CSMD1: variants seen among roughly 807,000 people sequenced by gnomAD.
The protein encoded by CSMD1 is CUB and sushi domain-containing protein 1.
Under a neutral mutation model 417.5 loss-of-function variants are expected in CSMD1, and 213 were observed. The observed-to-expected ratio is 0.51, with a 90% confidence interval of 0.46 to 0.57. CSMD1 has a LOEUF of 0.57. Among genes scored for constraint, CSMD1 ranks in the 20% least tolerant of loss-of-function variants. The pLI is 0.00. For synonymous variants in CSMD1, 2,862 were observed against 1,736.8 expected (o/e 1.65, Z -16.11); for missense variants, 6,923 against 4,529.7 (o/e 1.53, Z -15.17).
intron 5 of CSMD1, among the ~76,000 whole-genome samples, chr8:3,910,241 G>C (rs931832642): frequency 6.6e-6 from 1 of 152,116 alleles, no homozygotes; most frequent in Non-Finnish European, 1.5e-5. Flanking sequence ...GGGGTGGGGA[G>C]GAAAATATGT....
intron 1 of CSMD1, among the ~76,000 whole-genome samples, chr8:4,827,327 A>T (rs1799892006): frequency 6.6e-6 from 1 of 152,068 alleles, no homozygotes; most frequent in Non-Finnish European, 1.5e-5. Context: ...TTTTATCTTA[A>T]CCCTAAGGCT....
intron 1 of CSMD1, among the ~76,000 whole-genome samples, chr8:4,972,668 C>T (rs1228457139): frequency 2.6e-5 from 4 of 151,254 alleles, no homozygotes; most frequent in East Asian, 1.9e-4. Flanking sequence ...AAAGACAAAT[C>T]GTTGACTTTC....
intron 3 of CSMD1, among the ~76,000 whole-genome samples, chr8:4,081,070 A>T (rs1368891613): frequency 6.6e-6 from 1 of 152,164 alleles, no homozygotes; most frequent in Non-Finnish European, 1.5e-5. Flanking sequence ...GTAATTCAGT[A>T]AGAATGCAAC....
chr8:3,585,096 T>C (rs1384348014), intron 9 of CSMD1, among the ~76,000 whole-genome samples: 1 of 152,052 alleles, frequency 6.6e-6, no homozygotes, highest in Non-Finnish European at 1.5e-5. Context: ...GGGCGGGTCC[T>C]GCAAAGCTGT....
chr8:4,089,404 A>G (rs971522708), intron 3 of CSMD1, among the ~76,000 whole-genome samples: 2 of 152,120 alleles, frequency 1.3e-5, no homozygotes, highest in Non-Finnish European at 1.5e-5. Context: ...AAATTAGTAA[A>G]TGGTACATGG....
intron 5 of CSMD1, among the ~76,000 whole-genome samples, chr8:3,870,566 C>G (rs764076589): frequency 6.6e-6 from 1 of 152,138 alleles, no homozygotes; most frequent in Non-Finnish European, 1.5e-5. Flanking sequence ...CCATTTCTCT[C>G]CAACTATTTG....
At chr8:3,974,245 T>G (rs1331692676) in intron 5 of CSMD1, among the ~76,000 whole-genome samples, 5 of 137,182 alleles carry the variant, frequency 3.6e-5, no homozygotes, top group Non-Finnish European at 6.2e-5. Context: ...ATAATATAAT[T>G]ATCTTAAATA....
chr8:3,528,116 G>C, intron 10 of CSMD1, among the ~76,000 whole-genome samples: 1 of 152,214 alleles, frequency 6.6e-6, no homozygotes, highest in Middle Eastern at 3.2e-3. Flanking sequence ...ATACTGGAAA[G>C]TGATTCTTTA....
At chr8:4,294,158 C>A (rs1023503389) in intron 3 of CSMD1, among the ~76,000 whole-genome samples, 1 of 152,134 alleles carries the variant, frequency 6.6e-6, no homozygotes, top group Non-Finnish European at 1.5e-5. Flanking sequence ...GACCAGCAGC[C>A]ACTGTAAGAT....
At chr8:3,854,011 T>A (rs1804113160) in intron 5 of CSMD1, among the ~76,000 whole-genome samples, 1 of 145,774 alleles carries the variant, frequency 6.9e-6, no homozygotes, top group South Asian at 2.1e-4. Flanking sequence ...ACATAACATA[T>A]AAAATATTAT....
At chr8:4,692,923 T>C (rs1806863927) in intron 1 of CSMD1, among the ~76,000 whole-genome samples, 1 of 152,180 alleles carries the variant, frequency 6.6e-6, no homozygotes, top group South Asian at 2.1e-4. Context: ...AGATTCCCAG[T>C]TTTGCCTCAT....
intron 15 of CSMD1, among the ~76,000 whole-genome samples, chr8:3,404,783 CCT>C (rs35754475): frequency 0.3 from 45,027 of 151,650 alleles, 7,175 homozygotes; most frequent in East Asian, 0.52. Context: ...GTGCCTGCAT[CCT>C]CTGTTTTTCA....
chr8:3,507,763 G>A (rs866164862), intron 10 of CSMD1, among the ~76,000 whole-genome samples: 17 of 152,292 alleles, frequency 1.1e-4, no homozygotes, highest in Admixed American at 6.5e-4. Context: ...CAGTGATGAT[G>A]AGCATTTTTT....
intron 3 of CSMD1, among the ~76,000 whole-genome samples, chr8:4,359,388 T>C (rs1335242879): frequency 6.6e-6 from 1 of 152,228 alleles, no homozygotes; most frequent in Non-Finnish European, 1.5e-5. Context: ...GGGTTTAAAC[T>C]CACAATAACA....
intron 5 of CSMD1, among the ~76,000 whole-genome samples, chr8:3,896,423 G>T (rs1416674511): frequency 6.6e-6 from 1 of 152,150 alleles, no homozygotes; most frequent in African/African-American, 2.4e-5. Flanking sequence ...AATGCTACAT[G>T]TAATGTCTCC....
chr8:4,234,060 CAACCATT>C (rs1336539427), intron 3 of CSMD1, among the ~76,000 whole-genome samples: 1 of 152,114 alleles, frequency 6.6e-6, no homozygotes, highest in African/African-American at 2.4e-5. Context: ...ACAGATAAGT[CAACCATT>C]AACCCCTGCC....
At chr8:4,607,286 TAAC>T (rs1800927435) in intron 2 of CSMD1, among the ~76,000 whole-genome samples, 1 of 136,396 alleles carries the variant, frequency 7.3e-6, no homozygotes, top group Non-Finnish European at 1.6e-5. Flanking sequence ...AAAAAATAAA[TAAC>T]AAAAAAAAAT....
chr8:3,949,568 TC>T (rs1234911476), intron 5 of CSMD1, among the ~76,000 whole-genome samples: 1 of 152,154 alleles, frequency 6.6e-6, no homozygotes, highest in East Asian at 1.9e-4. Flanking sequence ...ATTTTGGGGT[TC>T]TTTTGTGTGG....
rs191756240 is a variant in CSMD1, at chr8:4,359,926, A to C, written c.415+60027T>G. On this transcript the variant is annotated intron_variant, in intron 3 of 69. Coordinates refer to ENST00000635120, the MANE Select transcript of CSMD1 (RefSeq NM_033225.6). ...ACCACAGTTTAAAACATCAACGTTC[A>C]GTGAAAGAATGCTTCCCTACTGGAG... 1.2e-3 allele frequency among the ~76,000 whole-genome samples: 183 copies of C among 152,292 alleles called. 1 individual carries two copies. Among genetic ancestry groups the C allele is most frequent in the Non-Finnish European group, 1.4e-3 (94 of 68,016 alleles).
Sources: gnomAD v4.1 joint callset for allele counts (sites outside exome capture counted in the v4.1 genomes callset) on GRCh38, gnomAD v4.1.1 for gene constraint, MANE v1.5 for transcripts, NCBI Gene and HGNC (gene_info 2026-07-23, HGNC 2026-07-21) for gene names.